Variants in DOCK10 observed in about 807,000 individuals in gnomAD.
DOCK10 encodes dedicator of cytokinesis 10.
Under a neutral mutation model 280.1 loss-of-function variants are expected in DOCK10, and 145 were observed. The ratio of observed to expected loss-of-function variants is 0.52; its 90% CI spans 0.45 to 0.59. The LOEUF is 0.59. Ranked by LOEUF, DOCK10 falls within the 20% of genes least tolerant of loss-of-function variation. The pLI is 0.00. For synonymous variants in DOCK10, 915 were observed against 942.2 expected (o/e 0.97, Z 0.53); for missense variants, 2,368 against 2,651.7 (o/e 0.89, Z 2.35).
At chr2:224,863,930 T>A (rs192629471) in intron 13 of DOCK10, among the ~76,000 whole-genome samples, 6 of 152,350 alleles carry the variant, frequency 3.9e-5, no homozygotes, top group Admixed American at 1.3e-4. Context: ...ACTTTGTTCA[T>A]CATCAGCATT....
rs1327399515 is a variant in DOCK10, at chr2:224,883,587, C to A, written c.747+2084G>T. ...TTGTTCTAGTTTTACAGATGAGGAA[C>A]CTGAGATCAAATTGGTCAAGTAACT... is the stretch of plus-strand genomic sequence containing the variant. On this transcript the variant is annotated intron_variant, in intron 7 of 55. Transcript: ENST00000258390. Among the ~76,000 whole-genome samples the A allele has an allele frequency of 2.6e-5, 4 of 152,148 alleles. No individual in the cohort carries two copies. In the East Asian group the frequency reaches 5.8e-4, roughly 22 times the overall value.
At position 224,781,786 on chromosome 2, in the gene DOCK10, T is replaced by G. The variant is rs188254542; in HGVS notation, c.5656-3502A>C. Among the ~76,000 whole-genome samples, 315 of 152,316 alleles carry G rather than the reference T, an allele frequency of 2.1e-3. 1 individual carries two copies. The highest frequency in any genetic ancestry group is 3.4e-3 in the Middle Eastern group (1 of 294). ...CAAGGACTGCATGGATTATGAAACT[T>G]TAAGGCAATACATTATGGTAAAAAT... On this transcript the variant is annotated intron_variant, in intron 50 of 55. Coordinates refer to ENST00000258390, the MANE Select transcript of DOCK10 (RefSeq NM_014689.3).
chr2:224,865,968 C>T (rs1333227995), intron 11 of DOCK10, among the ~76,000 whole-genome samples: 2 of 151,860 alleles, frequency 1.3e-5, no homozygotes, highest in Non-Finnish European at 2.9e-5. Context: ...GCAAGTTTCC[C>T]ATATTATTCC....
chr2:224,958,717 A>G (rs1055379072), intron 1 of DOCK10, among the ~76,000 whole-genome samples: 2 of 152,142 alleles, frequency 1.3e-5, no homozygotes, highest in African/African-American at 4.8e-5. Flanking sequence ...TTTTCTGCCT[A>G]AGCGGGACTG....
At chr2:224,994,068 A>T (rs2126273999) in intron 1 of DOCK10, among the ~76,000 whole-genome samples, 1 of 152,340 alleles carries the variant, frequency 6.6e-6, no homozygotes, top group Admixed American at 6.5e-5. Flanking sequence ...ATGTCTATGA[A>T]TAAAAATGGT....
chr2:224,975,207 G>A (rs1705361606), intron 1 of DOCK10, among the ~76,000 whole-genome samples: 1 of 152,122 alleles, frequency 6.6e-6, no homozygotes, highest in African/African-American at 2.4e-5. Flanking sequence ...AATTACTAAG[G>A]CTCTCATTAC....
chr2:224,811,133 C>T (rs1278060515), intron 31 of DOCK10, among the ~76,000 whole-genome samples: 1 of 152,178 alleles, frequency 6.6e-6, no homozygotes, highest in Non-Finnish European at 1.5e-5. Flanking sequence ...TCTCCACATC[C>T]TCTCCAGCAC....
At chr2:224,925,949 C>T (rs2125996920) in intron 2 of DOCK10, among the ~76,000 whole-genome samples, 1 of 152,200 alleles carries the variant, frequency 6.6e-6, no homozygotes, top group South Asian at 2.1e-4. Flanking sequence ...CTTTCTTTGC[C>T]ACTTTACTGA....
chr2:224,866,101 C>A (rs1025382635), intron 11 of DOCK10, among the ~76,000 whole-genome samples: 2 of 152,168 alleles, frequency 1.3e-5, no homozygotes, highest in African/African-American at 4.8e-5. Context: ...ATGCCCCTTT[C>A]GATGCTGCCA....
Position 224,770,445 on chromosome 2 carries a change from T to C in DOCK10, c.6306-96A>G. 1 of 1,563,238 alleles carries C rather than the reference T, an allele frequency of 6.4e-7. No homozygotes were observed. Among genetic ancestry groups the C allele is most frequent in the Non-Finnish European group, 8.7e-7 (1 of 1,146,848 alleles). On this transcript the variant is annotated intron_variant, in intron 54 of 55. Coordinates refer to ENST00000258390, the MANE Select transcript of DOCK10 (RefSeq NM_014689.3). This position sits in a 1 kb window ranked among gnomAD's most constrained non-coding sequence, Gnocchi z 4.5. Reference sequence around the variant, plus strand: ...TCAGAGTCAGGCTGCTGATGGACTCTGCCACCTCAGTGAGTTTTGGTGTGA... The same window carrying C: ...TCAGAGTCAGGCTGCTGATGGACTCCGCCACCTCAGTGAGTTTTGGTGTGA...
At chr2:224,892,431 G>GAAAAGAAAAT (rs1699746478) in intron 4 of DOCK10, among the ~76,000 whole-genome samples, 1 of 136,276 alleles carries the variant, frequency 7.3e-6, no homozygotes, top group Non-Finnish European at 1.6e-5. Flanking sequence ...AAGAAAGAAA[G>GAAAAGAAAAT]AAAAGAAAAG....
intron 18 of DOCK10, among the ~76,000 whole-genome samples, chr2:224,850,010 C>A (rs1696625861): frequency 6.6e-6 from 1 of 152,092 alleles, no homozygotes; most frequent in African/African-American, 2.4e-5. Flanking sequence ...TGGTTAAGAC[C>A]AACTGTACCC....
chr2:224,927,042 G>T (rs2126001512), intron 2 of DOCK10, among the ~76,000 whole-genome samples: 1 of 152,248 alleles, frequency 6.6e-6, no homozygotes, highest in East Asian at 1.9e-4. Context: ...AAGCAGGTGG[G>T]GTCATGTTAT....
Position 224,801,912 on chromosome 2 carries a change from T to A in DOCK10, c.4393+4A>T. ...TCTTGTTCCTATTATTTCAGTTTAC[T>A]TACTGGTCATGGTATTGTCTAACAT... On this transcript the variant is annotated splice_donor_region_variant and intron_variant, in intron 40 of 55. Coordinates refer to ENST00000258390, the MANE Select transcript of DOCK10 (RefSeq NM_014689.3). 1 of 1,612,578 alleles carries A rather than the reference T, an allele frequency of 6.2e-7. No individual in the cohort carries two copies. Among genetic ancestry groups the A allele is most frequent in the Non-Finnish European group, 8.5e-7 (1 of 1,178,974 alleles).
intron 6 of DOCK10, 105 bp from the exon 7 acceptor site, chr2:224,885,910 C>T: frequency 6.6e-7 from 1 of 1,507,286 alleles, no homozygotes; most frequent in Non-Finnish European, 8.9e-7. Context: ...ATTTCTAGGA[C>T]ATTTTTCTAG....
At chr2:224,999,839 C>A (rs1706379774) in intron 1 of DOCK10, among the ~76,000 whole-genome samples, 1 of 151,782 alleles carries the variant, frequency 6.6e-6, no homozygotes, top group African/African-American at 2.4e-5. Context: ...CTGAGAGTTG[C>A]AGTCTGACAG....
At chr2:224,994,471 T>C (rs569296953) in intron 1 of DOCK10, among the ~76,000 whole-genome samples, 19 of 152,348 alleles carry the variant, frequency 1.2e-4, no homozygotes, top group Non-Finnish European at 2.4e-4. Flanking sequence ...TGGGAGACAC[T>C]GTCCACCAGA....
intron 3 of DOCK10, among the ~76,000 whole-genome samples, chr2:224,905,907 G>A (rs1002932212): frequency 6.6e-6 from 1 of 151,902 alleles, no homozygotes; most frequent in African/African-American, 2.4e-5. Context: ...GGTGTTCATG[G>A]GCATACTCTT....
chr2:225,024,381 T>A (rs1689861782), intron 1 of DOCK10, among the ~76,000 whole-genome samples: 1 of 152,226 alleles, frequency 6.6e-6, no homozygotes, highest in East Asian at 1.9e-4. Context: ...GCATCATGTC[T>A]AAAATTTATT....
Sources: gnomAD v4.1 joint callset for allele counts (sites outside exome capture counted in the v4.1 genomes callset) on GRCh38, gnomAD v4.1.1 for gene constraint, Gnocchi (gnomAD v3.1) non-coding constraint, MANE v1.5 for transcripts, NCBI Gene and HGNC (gene_info 2026-07-23, HGNC 2026-07-21) for gene names.